The following ASIC2 variants were observed in gnomAD, a reference collection of about 807,000 sequenced individuals.
The protein encoded by ASIC2 is acid sensing ion channel subunit 2, also known as acid-sensing ion channel 2.
ASIC2 carries 25 observed loss-of-function variants against 57.3 expected under a neutral mutation model. That is an observed-to-expected ratio of 0.44 (90% CI 0.32 to 0.61). The LOEUF (loss-of-function observed/expected upper bound fraction) is 0.61, where lower values mean the gene tolerates loss of function less well. Among genes scored for constraint, ASIC2 ranks in the 20% least tolerant of loss-of-function variants. The pLI is 0.06. For synonymous variants in ASIC2, 319 were observed against 307.5 expected, an observed-to-expected ratio of 1.04 and a Z score of -0.39; for missense variants, 641 against 738.1, an observed-to-expected ratio of 0.87 and a Z score of 1.52.
At chr17:33,332,755 G>A (rs1228727994) in intron 1 of ASIC2, among the ~76,000 whole-genome samples, 3 of 152,156 alleles carry the variant, frequency 2.0e-5, no homozygotes, top group African/African-American at 2.4e-5. Context: ...GCTGGGAATG[G>A]TTGTACATGT....
intron 3 of ASIC2, among the ~76,000 whole-genome samples, chr17:33,074,702 G>A (rs2092082504): frequency 6.6e-6 from 1 of 152,184 alleles, no homozygotes; most frequent in African/African-American, 2.4e-5. Flanking sequence ...CTTTCTAGCT[G>A]TGTGTCCTTT....
intron 1 of ASIC2, among the ~76,000 whole-genome samples, chr17:33,636,777 A>C (rs1906381010): frequency 6.6e-6 from 1 of 152,084 alleles, no homozygotes; most frequent in Admixed American, 6.6e-5. Flanking sequence ...CTTGCATGGC[A>C]ACACACCAAG....
intron 1 of ASIC2, among the ~76,000 whole-genome samples, chr17:33,343,499 C>A (rs1000786181): frequency 3.9e-5 from 6 of 152,160 alleles, no homozygotes; most frequent in Middle Eastern, 3.2e-3. Context: ...TCGCATGTGT[C>A]CAAATCTTAC....
chr17:33,388,709 C>T (rs1909784690), intron 1 of ASIC2, among the ~76,000 whole-genome samples: 1 of 152,198 alleles, frequency 6.6e-6, no homozygotes, highest in African/African-American at 2.4e-5. Flanking sequence ...GCTGTGAGCC[C>T]AGGTGTCTCT....
At chr17:33,830,595 G>A (rs1332110571) in intron 1 of ASIC2, among the ~76,000 whole-genome samples, 2 of 151,904 alleles carry the variant, frequency 1.3e-5, no homozygotes, top group African/African-American at 4.8e-5. Context: ...TATGCAGAAA[G>A]TGCAAGTTTG....
chr17:33,426,552 T>C (rs1415740780), intron 1 of ASIC2, among the ~76,000 whole-genome samples: 1 of 152,202 alleles, frequency 6.6e-6, no homozygotes, highest in South Asian at 2.1e-4. Context: ...ACAGGATGGA[T>C]ACCAGGCATG....
At chr17:33,092,837 C>T (rs551747147) in intron 2 of ASIC2, among the ~76,000 whole-genome samples, 3 of 152,274 alleles carry the variant, frequency 2.0e-5, no homozygotes, top group African/African-American at 4.8e-5. Flanking sequence ...CCCTAATGTC[C>T]CTAGCACAGT....
intron 1 of ASIC2, among the ~76,000 whole-genome samples, chr17:33,243,738 T>C (rs139042631): frequency 7.3e-4 from 111 of 152,350 alleles, no homozygotes; most frequent in African/African-American, 2.4e-3. Flanking sequence ...TAGGGCTTTT[T>C]TTCACTTAAA....
At chr17:33,628,976 G>A (rs1906075605) in intron 1 of ASIC2, among the ~76,000 whole-genome samples, 1 of 152,156 alleles carries the variant, frequency 6.6e-6, no homozygotes, top group African/African-American at 2.4e-5. Context: ...CAGCATGGAT[G>A]CGGCCGTTCT....
At chr17:33,842,797 A>G (rs550535256) in intron 1 of ASIC2, among the ~76,000 whole-genome samples, 1 of 152,330 alleles carries the variant, frequency 6.6e-6, no homozygotes, top group East Asian at 1.9e-4. Flanking sequence ...GAGGAGAAGA[A>G]GGATGGCCCA....
At chr17:33,103,933 T>C (rs1193847683) in intron 2 of ASIC2, among the ~76,000 whole-genome samples, 1 of 152,170 alleles carries the variant, frequency 6.6e-6, no homozygotes, top group African/African-American at 2.4e-5. Flanking sequence ...CTTTTAACTC[T>C]TCCTCCTGGT....
At chr17:34,142,978 A>ATAGAATGCTATATAT (rs1912312439) in intron 1 of ASIC2, 1 of 152,220 alleles carries the variant, frequency 6.6e-6, no homozygotes, top group Non-Finnish European at 1.5e-5. Flanking sequence ...TTCCTGAAGC[A>ATAGAATGCTATATAT]AGTGCTATAG....
chr17:34,093,081 A>C (rs1353417510), intron 1 of ASIC2, among the ~76,000 whole-genome samples: 1 of 152,204 alleles, frequency 6.6e-6, no homozygotes, highest in Non-Finnish European at 1.5e-5. Flanking sequence ...TCAGAACACC[A>C]CAATTTACTT....
At chr17:33,517,849 TA>T (rs1188910493) in intron 1 of ASIC2, among the ~76,000 whole-genome samples, 1 of 152,002 alleles carries the variant, frequency 6.6e-6, no homozygotes, top group Non-Finnish European at 1.5e-5. Context: ...TAAAGCATAA[TA>T]AAAAAATAAA....
intron 1 of ASIC2, among the ~76,000 whole-genome samples, chr17:33,570,557 A>C (rs1244072343): frequency 6.6e-6 from 1 of 152,216 alleles, no homozygotes; most frequent in Non-Finnish European, 1.5e-5. Context: ...TTTTCTGTGA[A>C]TTGATTAGTC....
At position 33,629,046 on chromosome 17, in the gene ASIC2, C is replaced by A. The variant is rs181056841; in HGVS notation, c.556-516979G>T. ...CTGACCTCCGAGGAGTCACAGCTGC[C>A]TTCATCCAGACCCTCTGGATTAGGC... On this transcript the variant is annotated intron_variant, in intron 1 of 9. Transcript: ENST00000359872. 4.3e-3 allele frequency among the ~76,000 whole-genome samples: 656 copies of A among 152,310 alleles called. 5 individuals are homozygous for A. The highest frequency in any genetic ancestry group is 0.015 in the African/African-American group (615 of 41,580).
chr17:33,443,306 T>C (rs1248834100), intron 1 of ASIC2, among the ~76,000 whole-genome samples: 3 of 152,122 alleles, frequency 2.0e-5, no homozygotes, highest in Non-Finnish European at 2.9e-5. Flanking sequence ...TTTCCGGAGC[T>C]TATGTAGGAT....
chr17:33,631,625 T>C (rs1039394741), intron 1 of ASIC2, among the ~76,000 whole-genome samples: 5 of 152,056 alleles, frequency 3.3e-5, no homozygotes, highest in African/African-American at 1.2e-4. Context: ...GCCTGGCACA[T>C]TGACAGAGAG....
intron 1 of ASIC2, among the ~76,000 whole-genome samples, chr17:33,483,419 A>G (rs191024250): frequency 1.4e-3 from 210 of 152,348 alleles, no homozygotes; most frequent in African/African-American, 4.1e-3. Flanking sequence ...TCCTCAGACA[A>G]GGTCACAGAG....
Sources: allele counts gnomAD v4.1 joint callset (sites outside exome capture counted in the v4.1 genomes callset), GRCh38; gene constraint gnomAD v4.1.1; transcripts MANE v1.5; gene names NCBI Gene and HGNC (gene_info 2026-07-23, HGNC 2026-07-21).